ZFHX4: variants seen among roughly 807,000 people sequenced by gnomAD.
The protein encoded by ZFHX4 is zinc finger homeobox protein 4.
In ZFHX4, 56 loss-of-function variants were observed where a neutral mutation model predicts 267.6. That is an observed-to-expected ratio of 0.21 (90% confidence interval 0.17 to 0.26). The LOEUF (loss-of-function observed/expected upper bound fraction) is 0.26. ZFHX4 is among the 10% of genes least tolerant of loss of function. ZFHX4 has a pLI of 1.00. For missense variants in ZFHX4, 4,332 were observed against 4,420.0 expected (o/e 0.98, Z 0.56); for synonymous variants, 1,778 against 1,665.6 (o/e 1.07, Z -1.64).
chr8:76,756,419 G>GA (rs1809762770), intron 3 of ZFHX4, among the ~76,000 whole-genome samples: 1 of 152,060 alleles, frequency 6.6e-6, no homozygotes, highest in Non-Finnish European at 1.5e-5. Context: ...TCTAGAGCAA[G>GA]AAACAGAGAG....
intron 5 of ZFHX4, among the ~76,000 whole-genome samples, chr8:76,835,219 G>GTATATA (rs773901442): frequency 4.9e-4 from 37 of 76,084 alleles, no homozygotes; most frequent in Middle Eastern, 6.6e-3. Context: ...GTATATATAT[G>GTATATA]TATATATATA....
intron 3 of ZFHX4, among the ~76,000 whole-genome samples, chr8:76,776,011 T>A (rs982564562): frequency 3.3e-5 from 5 of 151,678 alleles, no homozygotes; most frequent in African/African-American, 1.2e-4. Context: ...AGAAACGAGG[T>A]TCTGTTCTAG....
In ZFHX4 at chr8:76,835,209, GTATATATATGTATATATATATA is replaced by G. The variant is rs1417224671; in HGVS notation, c.3394+1833_3394+1854del. The stretch of plus-strand genomic sequence containing the variant: ...TATCCTCTAATCCTTTTGCTTTGGT[GTATATATATGTATATATATATA>G]TATATATATGTATATATATATATAT... On this transcript the variant is annotated intron_variant, in intron 5 of 10. Coordinates refer to ENST00000651372, the MANE Select transcript of ZFHX4 (RefSeq NM_024721.5). Among the ~76,000 whole-genome samples, 382 of 46,478 alleles carry G rather than the reference GTATATATATGTATATATATATA, an allele frequency of 8.2e-3. 5 individuals carry two copies. The highest frequency in any genetic ancestry group is 0.012 in the African/African-American group (70 of 5,644). The allele number at this position is 46,478 out of a possible 152,430, so 30.5% of individuals were successfully genotyped here. A position where few individuals can be genotyped will look rare whatever the true frequency, so the allele number is the denominator to read the frequency against.
chr8:76,699,670 G>C lies in ZFHX4; in HGVS notation c.-46-4373G>C, dbSNP rs960771420. Among the ~76,000 whole-genome samples the C allele has an allele frequency of 3.3e-5, 5 of 151,572 alleles. 1 individual carries two copies. The South Asian group carries it at 1.0e-3, about 32-fold the overall frequency. On this transcript the variant is annotated intron_variant, in intron 1 of 10. Transcript: ENST00000651372. ...AGTTTATAATTATGAATTCCAACTT[G>C]GGTAAAAGTGAGGTAGCGATAGTGG...
At chr8:76,820,864 A>G (rs985737356) in intron 4 of ZFHX4, among the ~76,000 whole-genome samples, 2 of 152,192 alleles carry the variant, frequency 1.3e-5, no homozygotes, top group African/African-American at 4.8e-5. Flanking sequence ...AAATGATTAC[A>G]GTCACTGTGT....
At chr8:76,756,765 C>T (rs899267276) in intron 3 of ZFHX4, among the ~76,000 whole-genome samples, 2 of 152,064 alleles carry the variant, frequency 1.3e-5, no homozygotes, top group South Asian at 2.1e-4. Context: ...CAAATTTACG[C>T]TAAACTATAG....
chr8:76,688,093 A>G (rs1226004624), intron 1 of ZFHX4, among the ~76,000 whole-genome samples: 3 of 152,216 alleles, frequency 2.0e-5, no homozygotes, highest in East Asian at 3.8e-4. Context: ...CTAGAAGATG[A>G]TCAACAGAGG....
chr8:76,821,814 G>A (rs1170240351), intron 4 of ZFHX4, among the ~76,000 whole-genome samples: 1 of 152,184 alleles, frequency 6.6e-6, no homozygotes, highest in African/African-American at 2.4e-5. Context: ...GCATCTGGTT[G>A]TAGACTGCTA....
intron 3 of ZFHX4, among the ~76,000 whole-genome samples, chr8:76,710,369 G>A (rs974393298): frequency 2.0e-5 from 3 of 152,158 alleles, no homozygotes; most frequent in Non-Finnish European, 4.4e-5. Context: ...GAATCATAGA[G>A]GATTTTCAAG....
At chr8:76,754,636 G>A (rs772130113) in intron 3 of ZFHX4, among the ~76,000 whole-genome samples, 9 of 152,026 alleles carry the variant, frequency 5.9e-5, no homozygotes, top group Non-Finnish European at 1.3e-4. Context: ...TATGATGTGT[G>A]GTGATCAAAT....
intron 3 of ZFHX4, among the ~76,000 whole-genome samples, chr8:76,757,346 T>C (rs1809791145): frequency 6.6e-6 from 1 of 151,122 alleles, no homozygotes; most frequent in Non-Finnish European, 1.5e-5. Context: ...AACATGGAGG[T>C]AAAAAGGGAC....
At chr8:76,824,822 C>T (rs747588527) in intron 4 of ZFHX4, among the ~76,000 whole-genome samples, 6 of 152,082 alleles carry the variant, frequency 3.9e-5, no homozygotes, top group South Asian at 2.1e-4. Context: ...CCTCCTGCTT[C>T]GGCCTCCCAA....
At chr8:76,754,741 T>C in intron 3 of ZFHX4, among the ~76,000 whole-genome samples, 1 of 152,148 alleles carries the variant, frequency 6.6e-6, no homozygotes, top group East Asian at 1.9e-4. Flanking sequence ...GAACATATGG[T>C]CACTTATTGT....
chr8:76,726,334 A>C (rs1412669620), intron 3 of ZFHX4, among the ~76,000 whole-genome samples: 1 of 152,154 alleles, frequency 6.6e-6, no homozygotes, highest in Non-Finnish European at 1.5e-5. Context: ...CTTAAATGAA[A>C]AGTTGATGAT....
intron 3 of ZFHX4, among the ~76,000 whole-genome samples, chr8:76,732,633 T>C (rs1334923742): frequency 6.6e-6 from 1 of 152,158 alleles, no homozygotes; most frequent in East Asian, 1.9e-4. Context: ...TTGATTTCCA[T>C]TGATCCAAAT....
At chr8:76,715,126 A>T (rs1808530538) in intron 3 of ZFHX4, among the ~76,000 whole-genome samples, 1 of 152,180 alleles carries the variant, frequency 6.6e-6, no homozygotes, top group South Asian at 2.1e-4. Context: ...TAGTTAGGAC[A>T]TATATGTAGT....
At position 76,704,520 on chromosome 8, in the gene ZFHX4, C is replaced by A. The variant is rs1329407831; in HGVS notation, c.432C>A (p.Asp144Glu). Residue 144 changes from aspartate (D) to glutamate (E), a missense_variant, in exon 2 of 11, where the codon GAC becomes GAA. Physicochemically the swap from Asp to Glu is conservative, Grantham distance 45 (BLOSUM62 2). Around this residue, in one of 7 missense-constraint regions of ZFHX4, gnomAD observed 1,195 missense variants for 1,173.6 expected, o/e 1.02. Coordinates refer to ENST00000651372, the MANE Select transcript of ZFHX4 (RefSeq NM_024721.5). ...QPDGSAYIIE[D>E]SKESGQNAQT... is the part of the protein sequence containing the mutation. ...ATGGGTCAGCATATATAATTGAGGA[C>A]TCCAAAGAAAGTGGGCAGAATGCAC... The A allele has an allele frequency of 3.7e-6, 6 of 1,613,792 alleles. No homozygotes were observed. Among genetic ancestry groups the A allele is most frequent in the Non-Finnish European group, 5.1e-6 (6 of 1,179,884 alleles).
chr8:76,692,710 T>A (rs1169151430), intron 1 of ZFHX4, among the ~76,000 whole-genome samples: 2 of 152,146 alleles, frequency 1.3e-5, no homozygotes, highest in Admixed American at 1.3e-4. Flanking sequence ...AATCTGTTTA[T>A]TTTTAATACA....
chr8:76,781,220 T>TACTAGTA (rs1173556277), intron 4 of ZFHX4, among the ~76,000 whole-genome samples: 1 of 152,112 alleles, frequency 6.6e-6, no homozygotes, highest in African/African-American at 2.4e-5. Flanking sequence ...GTTTGTTCCT[T>TACTAGTA]ACTAGTAGCT....
Sources: gnomAD v4.1 joint callset for allele counts (sites outside exome capture counted in the v4.1 genomes callset) on GRCh38, gnomAD v4.1.1 for gene constraint, gnomAD v4.1.1 regional missense constraint, MANE v1.5 for transcripts, NCBI Gene and HGNC (gene_info 2026-07-23, HGNC 2026-07-21) for gene names.